Variants in PHRF1 observed in about 807,000 individuals in gnomAD.
The protein encoded by PHRF1 is PHD and RING finger domain-containing protein 1.
In PHRF1, 53 loss-of-function variants were observed where a neutral mutation model predicts 128.9. The observed-to-expected ratio is 0.41, with a 90% CI of 0.33 to 0.52. The LOEUF (loss-of-function observed/expected upper bound fraction) is 0.52. Ranked by LOEUF, PHRF1 falls within the 20% of genes least tolerant of loss-of-function variation. The pLI is 0.21. For synonymous variants in PHRF1, 1,178 were observed against 980.6 expected (o/e 1.20, Z -3.76); for missense variants, 2,503 against 2,284.5 (o/e 1.10, Z -1.95).
In PHRF1 at chr11:608,065, C is replaced by T. The variant is rs748821523; in HGVS notation, c.2609C>T (p.Ala870Val). Reference protein sequence around the residue: ...TRTISINSPKAQTVQAVRCVT... With the variant: ...TRTISINSPKVQTVQAVRCVT... ...ACCATCTCCATCAACAGCCCGAAGG[C>T]CCAGACGGTGCAGGCTGTGCGCTGC... Residue 870 changes from alanine (A) to valine (V), a missense_variant, in exon 14 of 18, where the codon GCC (alanine) becomes GTC (valine). Physicochemically the swap from Ala to Val is moderately conservative, Grantham distance 64. Transcript: ENST00000264555. 1 of 1,611,584 alleles carries T rather than the reference C, an allele frequency of 6.2e-7. No homozygotes were observed. The highest frequency in any genetic ancestry group is 1.7e-5 in the Admixed American group (1 of 60,034).
rs186631263 is a variant in PHRF1, at chr11:602,300, G to A, written c.1152+599G>A. Among the ~76,000 whole-genome samples, 65 of 152,244 alleles carry A rather than the reference G, an allele frequency of 4.3e-4. 1 individual carries two copies. The highest frequency in any genetic ancestry group is 3.9e-3 in the Admixed American group (59 of 15,294). ...TGGGGTGGAGGGTGGTGTGTCATTC[G>A]TGTGCATGTTTGTGATGCTCAAACC... On this transcript the variant is annotated intron_variant, in intron 10 of 17. Coordinates refer to ENST00000264555, the MANE Select transcript of PHRF1 (RefSeq NM_001286581.2).
In PHRF1 at chr11:609,629, C is replaced by A. The variant is rs746468618; in HGVS notation, c.4173C>A (p.Thr1391=). The change falls in exon 14 of 18, where the codon ACC becomes ACA. Residue 1391 remains threonine (T), a synonymous_variant. Coordinates refer to ENST00000264555, the MANE Select transcript of PHRF1 (RefSeq NM_001286581.2). ...GGCCTGAGGAGGTGGTTTCGCAGAC[C>A]CCCCTGCTGCGGTCCAGAGCCCTGG... The part of the protein sequence containing the change: ...AARPEEVVSQ[T]PLLRSRALVK... 7 of 1,580,432 alleles carry A rather than the reference C, an allele frequency of 4.4e-6. No homozygotes were observed. Among genetic ancestry groups the A allele is most frequent in the Non-Finnish European group, 6.0e-6 (7 of 1,165,206 alleles).
chr11:592,515 G>T, intron 5 of PHRF1, 44 bp from the exon 6 acceptor site: 1 of 1,567,058 alleles, frequency 6.4e-7, no homozygotes, highest in Non-Finnish European at 8.8e-7. Context: ...GTGACTGCGG[G>T]GAGTTTGGGT....
chr11:582,004 G>A lies in PHRF1; in HGVS notation c.137G>A (p.Ser46Asn). Residue 46 changes from serine to asparagine, a missense_variant, in exon 3 of 18, where the codon AGT becomes AAT. By Grantham distance (46) the Ser-to-Asn change is conservative. Transcript: ENST00000264555. ...VGSSGDSGDD[S>N]DSEHGDGTDG... The stretch of plus-strand genomic sequence containing the variant: ...AGCAGTGGGGACTCTGGGGACGACA[G>A]TGACAGCGAGCATGGAGATGGCACA... The A allele has an allele frequency of 1.2e-6, 2 of 1,608,150 alleles. No individual in the cohort carries two copies. The highest frequency in any genetic ancestry group is 1.7e-6 in the Non-Finnish European group (2 of 1,177,386).
At position 607,667 on chromosome 11, in the gene PHRF1, G is replaced by T. The variant is rs760158031; in HGVS notation, c.2211G>T (p.Val737=). 1 of 1,609,986 alleles carries T rather than the reference G, an allele frequency of 6.2e-7. No individual in the cohort carries two copies. Among genetic ancestry groups the T allele is most frequent in the African/African-American group, 1.3e-5 (1 of 74,836 alleles). Residue 737 remains valine, a synonymous_variant, in exon 14 of 18, where the codon GTG becomes GTT. Coordinates refer to ENST00000264555, the MANE Select transcript of PHRF1 (RefSeq NM_001286581.2). ...CAGAGAGCGAGGCCAGCAGCAGGGT[G>T]CCCCGGGAGCCCGGGGTGCACACGG... is the stretch of plus-strand genomic sequence containing the variant. The part of the protein sequence containing the change: ...TRAESEASSR[V]PREPGVHTGS...
chr11:598,654 C>G (rs576040761), intron 9 of PHRF1, among the ~76,000 whole-genome samples, 152 bp downstream of exon 9: 1 of 152,318 alleles, frequency 6.6e-6, no homozygotes, highest in African/African-American at 2.4e-5. Flanking sequence ...GAAGCCGCGC[C>G]GGGCCCGGGA....
At chr11:580,043 G>C (rs540683392) in intron 1 of PHRF1, among the ~76,000 whole-genome samples, 1 of 152,264 alleles carries the variant, frequency 6.6e-6, no homozygotes, top group East Asian at 1.9e-4. Flanking sequence ...TGAACTCGAG[G>C]GCAGCTCTGG....
rs551874512 is a variant in PHRF1 at position 601,624 on chromosome 11, G to T, written c.1075G>T (p.Ala359Ser). The T allele has an allele frequency of 1.9e-6, 3 of 1,613,686 alleles. No individual in the cohort carries two copies. Among genetic ancestry groups the T allele is most frequent in the East Asian group, 2.2e-5 (1 of 44,872 alleles). Residue 359 changes from alanine to serine, a missense_variant, in exon 10 of 18, where the codon GCA becomes TCA. Transcript: ENST00000264555. ...GRKKTPSGPSAKSKSSATRSK... is the reference protein window; with the variant it reads ...GRKKTPSGPSSKSKSSATRSK... ...AAAGAAAACCCCGTCCGGACCATCCGCAAAAAGTAAGAGCTCAGCGACAAG... is the reference window on the plus strand; with the variant it reads ...AAAGAAAACCCCGTCCGGACCATCCTCAAAAAGTAAGAGCTCAGCGACAAG...
intron 1 of PHRF1, among the ~76,000 whole-genome samples, chr11:577,012 C>T (rs1005878411): frequency 3.9e-5 from 6 of 152,188 alleles, no homozygotes; most frequent in African/African-American, 1.2e-4. Context: ...GCCCATGCCC[C>T]CTGCGAGTCC....
chr11:608,470 C>A lies in PHRF1; in HGVS notation c.3014C>A (p.Ala1005Asp). Reference protein sequence around the residue: ...STSSSRSRKKAKRKRVSREHG... With the variant: ...STSSSRSRKKDKRKRVSREHG... Reference sequence around the variant, plus strand: ...TCCAGCTCCCGCAGCAGGAAGAAGGCCAAGAGGAAGAGGGTGTCCAGGGAG... The same window carrying A: ...TCCAGCTCCCGCAGCAGGAAGAAGGACAAGAGGAAGAGGGTGTCCAGGGAG... The change falls in exon 14 of 18, where the codon GCC becomes GAC. Residue 1005 changes from alanine to aspartate, a missense_variant. Coordinates refer to ENST00000264555, the MANE Select transcript of PHRF1 (RefSeq NM_001286581.2). 6.2e-7 allele frequency: 1 copy of A among 1,612,484 alleles called. No homozygotes were observed. The highest frequency in any genetic ancestry group is 8.5e-7 in the Non-Finnish European group (1 of 1,179,838).
Position 610,512 on chromosome 11 carries a change from C to T in PHRF1, c.4428C>T (p.Pro1476=), listed in dbSNP as rs751360835. 9.5e-5 allele frequency: 153 copies of T among 1,603,398 alleles called. 1 individual carries two copies. The highest frequency in any genetic ancestry group is 1.2e-4 in the Non-Finnish European group (145 of 1,178,516). ...GGTGTCCCTCCCAGGTTTACAGCCC[C>T]GGCCTGCCGCCTGCCCCGGCCCAGC... The part of the protein sequence containing the change: ...PDTDPSQVYS[P]GLPPAPAQPS... Residue 1476 remains proline (P), a synonymous_variant, in exon 16 of 18, where the codon CCC becomes CCT. Coordinates refer to ENST00000264555, the MANE Select transcript of PHRF1 (RefSeq NM_001286581.2).
At chr11:604,613 C>T (rs1855836510) in intron 10 of PHRF1, among the ~76,000 whole-genome samples, 1 of 152,192 alleles carries the variant, frequency 6.6e-6, no homozygotes, top group African/African-American at 2.4e-5. Flanking sequence ...CTCCCGGGTT[C>T]AAGCAGTTCT....
chr11:580,431 G>A (rs1854136785), intron 1 of PHRF1, among the ~76,000 whole-genome samples: 1 of 152,150 alleles, frequency 6.6e-6, no homozygotes. Context: ...AGTGGTCTTG[G>A]GAGCCGAGGG....
chr11:608,552 A>C lies in PHRF1; in HGVS notation c.3096A>C (p.Ser1032=), dbSNP rs955103738. The C allele has an allele frequency of 1.3e-5, 21 of 1,612,204 alleles. No individual in the cohort carries two copies. The highest frequency in any genetic ancestry group is 1.8e-5 in the Non-Finnish European group (21 of 1,179,832). ...RSESRDRSSR[S]ASPSVGEERP... ...AATCCAGGGACAGGAGCTCGAGGTC[A>C]GCGTCACCATCAGTGGGTGAGGAGC... is the stretch of plus-strand genomic sequence containing the variant. The change falls in exon 14 of 18, where the codon TCA becomes TCC. Residue 1032 remains serine, a synonymous_variant. Transcript: ENST00000264555.
In PHRF1 at chr11:598,455, A is replaced by T; in HGVS notation, c.977A>T (p.Gln326Leu). The T allele has an allele frequency of 6.2e-7, 1 of 1,610,964 alleles. No homozygotes were observed. The highest frequency in any genetic ancestry group is 8.5e-7 in the Non-Finnish European group (1 of 1,179,724). Residue 326 changes from glutamine (Q) to leucine (L), a missense_variant, in exon 9 of 18, where the codon CAG (glutamine) becomes CTG (leucine). Physicochemically the swap from Gln to Leu is moderately radical, Grantham distance 113. Transcript: ENST00000264555. ...ACTGGCCTGAGCACTGCCGTGTATCAGCGCCCCCTGACGCCGCGCACTCCC... is the reference window on the plus strand; with the variant it reads ...ACTGGCCTGAGCACTGCCGTGTATCTGCGCCCCCTGACGCCGCGCACTCCC... ...VATGLSTAVYQRPLTPRTPAR... is the reference protein window; with the variant it reads ...VATGLSTAVYLRPLTPRTPAR...
At chr11:610,149 CA>C in intron 14 of PHRF1, 46 bp from the exon 15 acceptor site, 1 of 1,458,058 alleles carries the variant, frequency 6.9e-7, no homozygotes, top group Non-Finnish European at 9.1e-7. Flanking sequence ...GCATTCTGGG[CA>C]GGGGTGGGCA....
At position 610,782 on chromosome 11, in the gene PHRF1, C is replaced by T. The variant is rs974001601; in HGVS notation, c.4677+21C>T. ...AGGAGGTGAGTCCTGCCTCCTCCCACTTTCCCCATGTTCCCATCTTACTTT... is the reference window on the plus strand; with the variant it reads ...AGGAGGTGAGTCCTGCCTCCTCCCATTTTCCCCATGTTCCCATCTTACTTT... On this transcript the variant is annotated intron_variant, in intron 16 of 17. Transcript: ENST00000264555. 6 of 1,596,648 alleles carry T rather than the reference C, an allele frequency of 3.8e-6. No individual in the cohort carries two copies. In the African/African-American group the frequency reaches 5.3e-5, roughly 14 times the overall value.
intron 15 of PHRF1, 75 bp from the exon 16 acceptor site, chr11:610,426 G>A: frequency 6.5e-7 from 1 of 1,544,814 alleles, no homozygotes; most frequent in Non-Finnish European, 8.7e-7. Context: ...CTAGGCTGGG[G>A]CTGAGGCCTC....
intron 4 of PHRF1, among the ~76,000 whole-genome samples, chr11:589,134 C>CA (rs1226095605): frequency 0.029 from 3,567 of 124,804 alleles, 48 homozygotes; most frequent in Non-Finnish European, 0.045. Context: ...GACACTGTCT[C>CA]AAAAAAAAAA....
Sources: allele counts gnomAD v4.1 joint callset (sites outside exome capture counted in the v4.1 genomes callset), GRCh38; gene constraint gnomAD v4.1.1; transcripts MANE v1.5; gene names NCBI Gene and HGNC (gene_info 2026-07-23, HGNC 2026-07-21).